The following DOCK9 variants were observed in gnomAD, a reference collection of about 807,000 sequenced individuals.
The protein encoded by DOCK9 is dedicator of cytokinesis protein 9.
DOCK9 carries 89 observed loss-of-function variants against 263.3 expected under a neutral mutation model. The observed-to-expected ratio is 0.34, with a 90% CI of 0.28 to 0.40. The LOEUF is 0.40. Among genes scored for constraint, DOCK9 ranks in the 10% least tolerant of loss-of-function variants. The pLI, the probability that DOCK9 is intolerant of heterozygous loss-of-function variation, is 1.00. For synonymous variants in DOCK9, 976 were observed against 973.1 expected (o/e 1.00, Z -0.06); for missense variants, 2,140 against 2,603.4 (o/e 0.82, Z 3.87).
intron 3 of DOCK9, among the ~76,000 whole-genome samples, chr13:98,928,586 G>A (rs2053420174): frequency 6.6e-6 from 1 of 152,184 alleles, no homozygotes; most frequent in Non-Finnish European, 1.5e-5. Flanking sequence ...TTTGCCACAT[G>A]CTTTAAAACA....
At chr13:98,923,733 T>G (rs2052459389) in intron 4 of DOCK9, among the ~76,000 whole-genome samples, 2 of 152,176 alleles carry the variant, frequency 1.3e-5, no homozygotes, top group African/African-American at 4.8e-5. Context: ...TGAAACCGAT[T>G]AACAATGATG....
intron 45 of DOCK9, among the ~76,000 whole-genome samples, chr13:98,810,646 C>T (rs1488633802): frequency 6.6e-6 from 1 of 152,034 alleles, no homozygotes; most frequent in African/African-American, 2.4e-5. Context: ...ATTTCTTTTC[C>T]TTTTCTGAGG....
At chr13:98,809,969 T>C (rs1487028100) in intron 46 of DOCK9, among the ~76,000 whole-genome samples, 200 bp downstream of exon 46, 2 of 151,978 alleles carry the variant, frequency 1.3e-5, no homozygotes, top group Non-Finnish European at 2.9e-5. Context: ...TCCACAGAGG[T>C]AGGGCCCAGG....
chr13:99,052,622 G>T (rs1017578801), intron 1 of DOCK9, among the ~76,000 whole-genome samples: 1 of 152,050 alleles, frequency 6.6e-6, no homozygotes, highest in South Asian at 2.1e-4. Context: ...TAGACACAGG[G>T]TCTCACTGTG....
chr13:98,877,603 T>C (rs2044077851), intron 27 of DOCK9, among the ~76,000 whole-genome samples: 1 of 152,120 alleles, frequency 6.6e-6, no homozygotes, highest in Non-Finnish European at 1.5e-5. Flanking sequence ...AACTCCTGTT[T>C]ACTCATCAGA....
intron 19 of DOCK9, 103 bp downstream of exon 19, chr13:98,886,429 G>T: frequency 1.3e-6 from 1 of 776,490 alleles, no homozygotes; most frequent in Non-Finnish European, 2.1e-6. Flanking sequence ...TGTAATTTCA[G>T]TGTAATATGC....
intron 1 of DOCK9, among the ~76,000 whole-genome samples, chr13:99,059,174 T>C (rs1254537911): frequency 6.6e-6 from 1 of 152,218 alleles, no homozygotes; most frequent in African/African-American, 2.4e-5. Flanking sequence ...CCAGAGATCC[T>C]GGCTCAAATG....
intron 1 of DOCK9, among the ~76,000 whole-genome samples, chr13:98,957,925 T>C (rs1426196146): frequency 1.4e-5 from 2 of 147,112 alleles, no homozygotes; most frequent in Non-Finnish European, 3.0e-5. Flanking sequence ...CAGCCCCAGC[T>C]GCCTGCACAG....
intron 21 of DOCK9, 108 bp downstream of exon 21, chr13:98,884,863 G>C: frequency 7.7e-7 from 1 of 1,302,832 alleles, no homozygotes; most frequent in Non-Finnish European, 1.0e-6. Flanking sequence ...TATCAAAATG[G>C]TGGAAGAGCA....
rs866314063 is a variant in DOCK9, at chr13:99,008,218, A to C, written c.130-52667T>G. 4.6e-3 allele frequency among the ~76,000 whole-genome samples: 423 copies of C among 91,444 alleles called. 1 individual carries two copies. Among genetic ancestry groups the C allele is most frequent in the Middle Eastern group, 6.0e-3 (1 of 168 alleles). The allele number at this position is 91,444 out of a possible 152,430, so 60.0% of individuals were successfully genotyped here. Reference sequence around the variant, plus strand: ...TCTCTCTCTCTCTCTCTCTCTATATATATATATATATATATATTTTTTTTT... The same window carrying C: ...TCTCTCTCTCTCTCTCTCTCTATATCTATATATATATATATATTTTTTTTT... On this transcript the variant is annotated intron_variant, in intron 1 of 32. Transcript: ENST00000427887.
intron 2 of DOCK9, among the ~76,000 whole-genome samples, chr13:98,954,078 G>A (rs1402161146): frequency 6.6e-6 from 1 of 150,952 alleles, no homozygotes; most frequent in Non-Finnish European, 1.5e-5. Flanking sequence ...AGTTTCTAAA[G>A]ACAAGTATGC....
At chr13:98,979,226 T>TAGCAGCAGCAGCAGC (rs1358717905), upstream of DOCK9, among the ~76,000 whole-genome samples, 3 of 123,190 alleles carry the variant, frequency 2.4e-5, no homozygotes, top group African/African-American at 9.3e-5. Context: ...GTAGTAGTAG[T>TAGCAGCAGCAGCAGC]AGTAGCAGCA....
chr13:98,850,028 C>A lies in DOCK9; in HGVS notation c.4013+19G>T. On this transcript the variant is annotated intron_variant, in intron 36 of 52. Coordinates refer to ENST00000682017, the MANE Select transcript of DOCK9 (RefSeq NM_001366683.2). ...CAGGAAAAAATCAAGAGGCAGTGATCAAAGAGAAAGCTACTTACTCAGATA... is the reference window on the plus strand; with the variant it reads ...CAGGAAAAAATCAAGAGGCAGTGATAAAAGAGAAAGCTACTTACTCAGATA... 2 of 1,543,120 alleles carry A rather than the reference C, an allele frequency of 1.3e-6. No homozygotes were observed. Among genetic ancestry groups the A allele is most frequent in the South Asian group, 2.4e-5 (2 of 83,712 alleles).
In DOCK9 at chr13:98,955,499, T is replaced by C. The variant is rs1244631424; in HGVS notation, c.179A>G (p.Lys60Arg). 2.5e-6 allele frequency: 4 copies of C among 1,600,194 alleles called. No homozygotes were observed. Among genetic ancestry groups the C allele is most frequent in the Non-Finnish European group, 3.4e-6 (4 of 1,172,442 alleles). Residue 60 changes from lysine to arginine, a missense_variant, in exon 2 of 53, where the codon AAG becomes AGG. Physicochemically the swap from Lys to Arg is conservative, Grantham distance 26 (BLOSUM62 2). This residue lies in a region of DOCK9 where 1,521 missense variants were observed against 1,741.7 expected (regional missense o/e 0.87). Coordinates refer to ENST00000682017, the MANE Select transcript of DOCK9 (RefSeq NM_001366683.2). The part of the protein sequence containing the change: ...PLDYENVIVQ[K>R]KTQILNDCLR... ...ACAGTCGTTCAGGATCTGAGTCTTC[T>C]TCTGGACGATGACATTTTCATAGTC...
rs746423065 is a variant in DOCK9 at position 98,879,933 on chromosome 13, T to C, written c.2908A>G (p.Met970Val). 2 of 1,610,122 alleles carry C rather than the reference T, an allele frequency of 1.2e-6. No individual in the cohort carries two copies. The highest frequency in any genetic ancestry group is 1.7e-6 in the Non-Finnish European group (2 of 1,179,064). Residue 970 changes from methionine (M) to valine (V), a missense_variant, in exon 27 of 53, where the codon ATG (methionine) becomes GTG (valine). Physicochemically the swap from Met to Val is conservative, Grantham distance 21 (BLOSUM62 1). Coordinates refer to ENST00000682017, the MANE Select transcript of DOCK9 (RefSeq NM_001366683.2). ...WFFFDVLIKS[M>V]AQHLIENSKV... is the part of the protein sequence containing the mutation. The stretch of plus-strand genomic sequence containing the variant: ...GAGTTCTCTATCAAATGCTGAGCCA[T>C]AGATTTGATCAGTACATCAAAGAAA...
rs775675490 is a variant in DOCK9 at position 98,914,367 on chromosome 13, A to G, written c.921T>C (p.Ser307=). The change falls in exon 9 of 53, where the codon TCT becomes TCC. Residue 307 remains serine, a synonymous_variant. Transcript: ENST00000682017. ...EDDEQSKLEG[S]GSGLDSYLPE... is the part of the protein sequence containing the mutation. ...GCAGGTAGCTATCTAAACCGGAACC[A>G]GAACCTTCCAATTTGCTTTGTTCAT... The G allele has an allele frequency of 2.5e-6, 4 of 1,609,864 alleles. No homozygotes were observed. Among genetic ancestry groups the G allele is most frequent in the Non-Finnish European group, 2.5e-6 (3 of 1,178,322 alleles).
intron 1 of DOCK9, among the ~76,000 whole-genome samples, chr13:99,005,604 T>C (rs917478743): frequency 6.6e-6 from 1 of 152,148 alleles, no homozygotes; most frequent in Admixed American, 6.5e-5. Context: ...AACATGGGAC[T>C]GGGAAAAATG....
intron 2 of DOCK9, among the ~76,000 whole-genome samples, chr13:98,952,379 G>A (rs9517506): frequency 0.22 from 32,861 of 151,576 alleles, 3,872 homozygotes; most frequent in East Asian, 0.44. Flanking sequence ...GGGATTACAG[G>A]CATGCACCAC....
chr13:98,827,639 T>G (rs2092596309), intron 43 of DOCK9, among the ~76,000 whole-genome samples: 1 of 152,192 alleles, frequency 6.6e-6, no homozygotes, highest in Non-Finnish European at 1.5e-5. Flanking sequence ...GTTAGCAGCG[T>G]GGCATGCACT....
Sources: allele counts gnomAD v4.1 joint callset (sites outside exome capture counted in the v4.1 genomes callset), GRCh38; gene constraint gnomAD v4.1.1; regional missense constraint gnomAD v4.1.1; transcripts MANE v1.5; gene names NCBI Gene and HGNC (gene_info 2026-07-23, HGNC 2026-07-21).